Variants in MARK1 observed in about 807,000 individuals in gnomAD.
MARK1 encodes the protein serine/threonine-protein kinase MARK1.
A neutral mutation model predicts 96.3 loss-of-function variants in MARK1; 40 were observed. The ratio of observed to expected loss-of-function variants is 0.42; its 90% CI spans 0.32 to 0.54. MARK1 has a LOEUF of 0.54. Among genes scored for constraint, MARK1 ranks in the 20% least tolerant of loss-of-function variants. The pLI is 0.16. For missense variants in MARK1, 719 were observed against 984.6 expected (o/e 0.73, Z 3.61); for synonymous variants, 317 against 341.2 (o/e 0.93, Z 0.78).
intron 1 of MARK1, among the ~76,000 whole-genome samples, chr1:220,538,973 G>C (rs2102705386): frequency 6.6e-6 from 1 of 151,922 alleles, no homozygotes; most frequent in African/African-American, 2.4e-5. Context: ...TTTGGGCTGA[G>C]ACAATGGGGT....
At chr1:220,601,530 A>G (rs1160271434) in intron 5 of MARK1, among the ~76,000 whole-genome samples, 2 of 152,170 alleles carry the variant, frequency 1.3e-5, no homozygotes, top group Non-Finnish European at 2.9e-5. Flanking sequence ...TTAGATTGCT[A>G]TAATAATCTG....
At chr1:220,657,726 T>G in intron 16 of MARK1, 64 bp from the exon 17 acceptor site, 1 of 1,174,952 alleles carries the variant, frequency 8.5e-7, no homozygotes, top group Non-Finnish European at 1.2e-6. Flanking sequence ...TAATTTTAGA[T>G]ATAGGTTTTC....
Position 220,583,711 on chromosome 1 carries a change from C to T in MARK1, c.309+2593C>T, listed in dbSNP as rs369423462. ...TTGCCCAGGCTGGAGTGCAGTGGCG[C>T]GATCTGAGCTCACTGCAACCTCCAC... On this transcript the variant is annotated intron_variant, in intron 3 of 17. Coordinates refer to ENST00000366917, the MANE Select transcript of MARK1 (RefSeq NM_018650.5). Among the ~76,000 whole-genome samples, 10 of 149,924 alleles carry T rather than the reference C, an allele frequency of 6.7e-5. No individual in the cohort carries two copies. In the South Asian group the frequency reaches 8.5e-4, roughly 13 times the overall value.
At chr1:220,652,665 C>G (rs1211464295) in intron 15 of MARK1, among the ~76,000 whole-genome samples, 2 of 152,150 alleles carry the variant, frequency 1.3e-5, no homozygotes, top group Non-Finnish European at 2.9e-5. Flanking sequence ...AACATTTTAA[C>G]CCTCTGTTAG....
intron 3 of MARK1, among the ~76,000 whole-genome samples, chr1:220,594,954 A>C (rs1037949498): frequency 6.6e-6 from 1 of 152,154 alleles, no homozygotes; most frequent in Admixed American, 6.5e-5. Flanking sequence ...ACATGTCTAA[A>C]CCCATAGAAT....
intron 3 of MARK1, among the ~76,000 whole-genome samples, chr1:220,586,294 T>G (rs1481880015): frequency 1.3e-5 from 2 of 152,138 alleles, no homozygotes; most frequent in African/African-American, 4.8e-5. Context: ...CATACTCTAT[T>G]CCAGTTACCA....
At chr1:220,652,642 T>G (rs1199202757) in intron 15 of MARK1, among the ~76,000 whole-genome samples, 1 of 152,238 alleles carries the variant, frequency 6.6e-6, no homozygotes, top group Non-Finnish European at 1.5e-5. Flanking sequence ...ATTTCCCAAA[T>G]TCAGTACATC....
chr1:220,528,862 G>C lies in MARK1; in HGVS notation c.40G>C (p.Asp14His). ...RTPLPTVNERDTENHTSVDGY... is the reference protein window; with the variant it reads ...RTPLPTVNERHTENHTSVDGY... ...GCCATTGCCGACGGTGAACGAGCGG[G>C]ACACGGAAAATGTGAGTAACCGGAG... Residue 14 changes from aspartate to histidine, a missense_variant, in exon 1 of 18, where the codon GAC becomes CAC. Asp to His is a moderately conservative substitution (Grantham distance 81, BLOSUM62 -1). Around this residue, in one of 4 missense-constraint regions of MARK1, gnomAD observed 105 missense variants for 133.4 expected, o/e 0.79. Coordinates refer to ENST00000366917, the MANE Select transcript of MARK1 (RefSeq NM_018650.5). 1 of 1,571,554 alleles carries C rather than the reference G, an allele frequency of 6.4e-7. No homozygotes were observed. The highest frequency in any genetic ancestry group is 8.6e-7 in the Non-Finnish European group (1 of 1,157,888).
At chr1:220,652,252 A>G (rs1192136998) in intron 15 of MARK1, 102 bp downstream of exon 15, 5 of 905,996 alleles carry the variant, frequency 5.5e-6, no homozygotes, top group Non-Finnish European at 6.3e-6. Flanking sequence ...GACCTTTCTA[A>G]TAAGATTCAG....
chr1:220,634,465 A>AG (rs1667839134), intron 11 of MARK1, among the ~76,000 whole-genome samples: 2 of 152,174 alleles, frequency 1.3e-5, no homozygotes, highest in Non-Finnish European at 2.9e-5. Flanking sequence ...CAGTTTTCTT[A>AG]TCTATAAAAT....
chr1:220,604,191 T>C (rs1012399139), intron 6 of MARK1, 54 bp downstream of exon 6: 9 of 1,152,616 alleles, frequency 7.8e-6, no homozygotes, highest in East Asian at 2.4e-5. Context: ...CGATGTACAA[T>C]GGACAGTATT....
At chr1:220,593,584 A>C (rs1274609506) in intron 3 of MARK1, among the ~76,000 whole-genome samples, 1 of 152,158 alleles carries the variant, frequency 6.6e-6, no homozygotes, top group Non-Finnish European at 1.5e-5. Context: ...CTGCAAATCT[A>C]ACCCACAGAG....
At chr1:220,569,054 C>T (rs1663254622) in intron 1 of MARK1, among the ~76,000 whole-genome samples, 1 of 152,154 alleles carries the variant, frequency 6.6e-6, no homozygotes, top group Non-Finnish European at 1.5e-5. Context: ...TCTATACCAT[C>T]ACCATCAAAT....
intron 1 of MARK1, among the ~76,000 whole-genome samples, chr1:220,575,991 T>C (rs1235946202): frequency 8.6e-6 from 1 of 115,888 alleles, no homozygotes; most frequent in African/African-American, 2.9e-5. Context: ...ATATAGCTCC[T>C]TTTTTTTTCT....
intron 1 of MARK1, among the ~76,000 whole-genome samples, chr1:220,531,006 C>G (rs1660279668): frequency 6.6e-6 from 1 of 152,146 alleles, no homozygotes; most frequent in East Asian, 1.9e-4. Flanking sequence ...TCTCTCCCTG[C>G]AAGGAGCTTA....
At chr1:220,588,543 G>A (rs917528630) in intron 3 of MARK1, among the ~76,000 whole-genome samples, 1 of 152,078 alleles carries the variant, frequency 6.6e-6, no homozygotes, top group African/African-American at 2.4e-5. Flanking sequence ...ATCTCTTTCT[G>A]TGCTACGATT....
At chr1:220,585,419 TA>T (rs1379165824) in intron 3 of MARK1, among the ~76,000 whole-genome samples, 1 of 152,176 alleles carries the variant, frequency 6.6e-6, no homozygotes, top group Non-Finnish European at 1.5e-5. Flanking sequence ...ATCAACAGTT[TA>T]AATGTTGAGG....
rs772018680 is a variant in MARK1 at position 220,618,805 on chromosome 1, C to T, written c.909+50C>T. 1.1e-5 allele frequency: 16 copies of T among 1,471,906 alleles called. No individual in the cohort carries two copies. The South Asian group carries it at 1.2e-4, about 11-fold the overall frequency. 91.2% of individuals were successfully genotyped at this position (1,471,906 alleles called of 1,614,324 possible). ...TTTAAATTTTAACAATTAAAATATT[C>T]CAGGAACCGAAGAGCATTTTTCTCC... On this transcript the variant is annotated intron_variant, in intron 9 of 17. Transcript: ENST00000366917. The surrounding 1 kb of genome is among the most constrained non-coding windows in gnomAD (Gnocchi z 4.6).
intron 1 of MARK1, among the ~76,000 whole-genome samples, chr1:220,557,785 AT>A (rs1000414349): frequency 6.6e-6 from 1 of 152,084 alleles, no homozygotes; most frequent in African/African-American, 2.4e-5. Context: ...GCAATTGCTT[AT>A]TTTTAGGGTG....
Sources: allele counts gnomAD v4.1 joint callset (sites outside exome capture counted in the v4.1 genomes callset), GRCh38; gene constraint gnomAD v4.1.1; regional missense constraint gnomAD v4.1.1; non-coding constraint Gnocchi (gnomAD v3.1); transcripts MANE v1.5; gene names NCBI Gene and HGNC (gene_info 2026-07-23, HGNC 2026-07-21).